FRAS1: variants seen among roughly 807,000 people sequenced by gnomAD.
FRAS1 encodes the protein Fraser extracellular matrix complex subunit 1.
FRAS1 carries 290 observed loss-of-function variants against 435.2 expected under a neutral mutation model. The ratio of observed to expected loss-of-function variants is 0.67; its 90% CI spans 0.61 to 0.73. The LOEUF (loss-of-function observed/expected upper bound fraction) is 0.73. Ranked by LOEUF, FRAS1 falls within the 30% of genes least tolerant of loss-of-function variation. The pLI, the probability that FRAS1 is intolerant of heterozygous loss-of-function variation, is 0.00. For synonymous variants in FRAS1, 1,800 were observed against 1,851.0 expected (o/e 0.97, Z 0.71); for missense variants, 4,860 against 5,001.5 (o/e 0.97, Z 0.85).
chr4:78,192,067 A>T (rs539260492), intron 2 of FRAS1, among the ~76,000 whole-genome samples: 1 of 152,134 alleles, frequency 6.6e-6, no homozygotes, highest in East Asian at 1.9e-4. Context: ...GGTTCTGTTT[A>T]TATGCTGGAT....
chr4:78,264,970 T>A (rs1209327223), intron 6 of FRAS1, 55 bp from the exon 7 acceptor site: 1 of 1,086,294 alleles, frequency 9.2e-7, no homozygotes, highest in East Asian at 2.4e-5. Context: ...TTCCTGCTGT[T>A]GTGGATCTTA....
chr4:78,429,088 T>G lies in FRAS1; in HGVS notation c.4712-7T>G. 1 of 1,551,518 alleles carries G rather than the reference T, an allele frequency of 6.4e-7. No individual in the cohort carries two copies. Among genetic ancestry groups the G allele is most frequent in the African/African-American group, 1.4e-5 (1 of 73,072 alleles). ...TCTCTGTGTGTGTGTGCATTTATCC[T>G]TTTTAGTTTCAGATGGAGAACACAC... On this transcript the variant is annotated splice_region_variant and splice_polypyrimidine_tract_variant and intron_variant, in intron 35 of 73. Transcript: ENST00000512123.
chr4:78,437,893 C>G (rs1166489765), intron 38 of FRAS1, among the ~76,000 whole-genome samples: 1 of 152,034 alleles, frequency 6.6e-6, no homozygotes, highest in Non-Finnish European at 1.5e-5. Flanking sequence ...CAGAGAAAGT[C>G]ATTTTTATTT....
At chr4:78,205,358 C>T (rs879635554) in intron 2 of FRAS1, among the ~76,000 whole-genome samples, 2 of 152,108 alleles carry the variant, frequency 1.3e-5, no homozygotes, top group Non-Finnish European at 2.9e-5. Flanking sequence ...TGTGCCACTA[C>T]ACCCAGCTAA....
At chr4:78,267,456 T>A (rs746390164) in intron 9 of FRAS1, 24 bp downstream of exon 9, 1 of 1,605,428 alleles carries the variant, frequency 6.2e-7, no homozygotes, top group Non-Finnish European at 8.5e-7. Flanking sequence ...GCATTTCCAT[T>A]TGGAACGTTG....
In FRAS1 at chr4:78,333,375, C is replaced by A; in HGVS notation, c.2241C>A (p.Cys747Ter). 6.2e-7 allele frequency: 1 copy of A among 1,611,810 alleles called. No homozygotes were observed. The highest frequency in any genetic ancestry group is 8.5e-7 in the Non-Finnish European group (1 of 1,179,004). The change falls in exon 19 of 74, where the codon TGC (cysteine) becomes TGA (stop). Residue 747 changes from cysteine to a stop codon, truncating the protein, a stop_gained. Transcript: ENST00000512123. LOFTEE classifies it high-confidence loss of function. ...VLLDGQCLSQCPDGYFHQEGS... is the reference protein window; with the variant it reads ...VLLDGQCLSQ ...TGGATGGGCAGTGCCTCTCCCAGTG[C>A]CCAGATGGCTACTTTCACCAGGAAG...
chr4:78,506,589 T>C (rs1720851896), intron 61 of FRAS1, among the ~76,000 whole-genome samples: 1 of 152,232 alleles, frequency 6.6e-6, no homozygotes, highest in Non-Finnish European at 1.5e-5. Context: ...GGTCTGCTGG[T>C]TGCTAAGACT....
chr4:78,115,803 GA>G (rs2109950775), intron 2 of FRAS1, among the ~76,000 whole-genome samples: 1 of 151,864 alleles, frequency 6.6e-6, no homozygotes, highest in South Asian at 2.1e-4. Context: ...TTGATTTTTT[GA>G]AGTTTTTTTT....
chr4:78,416,254 G>C (rs1481979171), intron 32 of FRAS1, among the ~76,000 whole-genome samples: 2 of 152,148 alleles, frequency 1.3e-5, no homozygotes, highest in Non-Finnish European at 2.9e-5. Context: ...GTCAAAAGAA[G>C]TAGAAAGTAG....
At chr4:78,125,363 A>G (rs1719285827) in intron 2 of FRAS1, among the ~76,000 whole-genome samples, 2 of 152,256 alleles carry the variant, frequency 1.3e-5, no homozygotes, top group Non-Finnish European at 2.9e-5. Context: ...ACAGTTTGTT[A>G]TAATTTCTGT....
chr4:78,212,924 A>T (rs542557419), intron 2 of FRAS1, among the ~76,000 whole-genome samples: 5 of 152,212 alleles, frequency 3.3e-5, no homozygotes, highest in Non-Finnish European at 5.9e-5. Flanking sequence ...ACACAGTCAC[A>T]ACAGAGGCTT....
At chr4:78,286,379 C>T in intron 13 of FRAS1, 26 bp from the exon 14 acceptor site, 1 of 1,612,594 alleles carries the variant, frequency 6.2e-7, no homozygotes, top group Non-Finnish European at 8.5e-7. Context: ...GTTCCTTTCT[C>T]TTTCTTCAAC....
chr4:78,452,149 C>T, intron 46 of FRAS1, 26 bp from the exon 47 acceptor site: 1 of 1,608,760 alleles, frequency 6.2e-7, no homozygotes, highest in Non-Finnish European at 8.5e-7. Flanking sequence ...GATCCCATTT[C>T]AAATCACTAT....
intron 15 of FRAS1, among the ~76,000 whole-genome samples, chr4:78,312,404 T>C (rs183455991): frequency 5.6e-4 from 85 of 152,186 alleles, no homozygotes; most frequent in African/African-American, 2.0e-3. Context: ...CTATCAAACT[T>C]TTTTTCATTA....
intron 29 of FRAS1, among the ~76,000 whole-genome samples, chr4:78,394,294 A>G (rs981745127): frequency 6.6e-6 from 1 of 151,976 alleles, no homozygotes; most frequent in Non-Finnish European, 1.5e-5. Context: ...GCCAAGACCT[A>G]TATCAAGGAG....
chr4:78,429,310 A>T, intron 36 of FRAS1, 84 bp downstream of exon 36: 1 of 1,461,696 alleles, frequency 6.8e-7, no homozygotes, highest in South Asian at 1.4e-5. Context: ...GATGGTTGCC[A>T]AAAAAGCAAA....
At chr4:78,241,365 A>G (rs1211713936) in intron 3 of FRAS1, among the ~76,000 whole-genome samples, 3 of 152,166 alleles carry the variant, frequency 2.0e-5, no homozygotes, top group African/African-American at 7.2e-5. Flanking sequence ...CATCTTCACT[A>G]TTGCAGCCCG....
chr4:78,199,009 T>C (rs1722940277), intron 2 of FRAS1, among the ~76,000 whole-genome samples: 1 of 152,206 alleles, frequency 6.6e-6, no homozygotes, highest in African/African-American at 2.4e-5. Context: ...TCAAGAGTTA[T>C]ACGTGGATTT....
chr4:78,464,160 G>A lies in FRAS1; in HGVS notation c.6888+15G>A. Reference sequence around the variant, plus strand: ...GAGTCAGTGAGGTAGGTGAGGCACTGAACTCCATCCTTGAAAAGTATTGAT... The same window carrying A: ...GAGTCAGTGAGGTAGGTGAGGCACTAAACTCCATCCTTGAAAAGTATTGAT... On this transcript the variant is annotated intron_variant, in intron 48 of 73. Transcript: ENST00000512123. The A allele has an allele frequency of 6.3e-7, 1 of 1,599,318 alleles. No individual in the cohort carries two copies. The highest frequency in any genetic ancestry group is 8.5e-7 in the Non-Finnish European group (1 of 1,174,560).
Sources: allele counts gnomAD v4.1 joint callset (sites outside exome capture counted in the v4.1 genomes callset), GRCh38; gene constraint gnomAD v4.1.1; transcripts MANE v1.5; gene names NCBI Gene and HGNC (gene_info 2026-07-23, HGNC 2026-07-21).